DCUN1D2: variants seen among roughly 807,000 people sequenced by gnomAD.
DCUN1D2 encodes the protein DCN1-like protein 2.
DCUN1D2 carries 29 observed loss-of-function variants against 30.9 expected under a neutral mutation model. The ratio of observed to expected loss-of-function variants is 0.94; its 90% CI spans 0.70 to 1.28. The LOEUF (loss-of-function observed/expected upper bound fraction) is 1.28. Among genes scored for constraint, DCUN1D2 ranks in the 50% most tolerant of loss-of-function variants. DCUN1D2 has a pLI of 0.00. For missense variants in DCUN1D2, 325 were observed against 316.9 expected (o/e 1.03, Z -0.19); for synonymous variants, 121 against 115.3 (o/e 1.05, Z -0.32).
intron 1 of DCUN1D2, among the ~76,000 whole-genome samples, chr13:113,489,452 C>G (rs188108451): frequency 2.6e-5 from 4 of 152,322 alleles, no homozygotes; most frequent in Non-Finnish European, 4.4e-5. Context: ...TTCAGCTGCT[C>G]TTTTGTTCAG....
Position 113,490,596 on chromosome 13 carries a change from C to T in DCUN1D2, c.3+71G>A. The stretch of plus-strand genomic sequence containing the variant: ...GCTCGGCCTCCCACATCCAGCGCGC[C>T]GCCTGCGCCGACCTTGGGGCCCGAC... On this transcript the variant is annotated intron_variant, in intron 1 of 6. Transcript: ENST00000478244. The surrounding 1 kb of genome is among the most constrained non-coding windows in gnomAD (Gnocchi z 5.2). 1.7e-6 allele frequency: 2 copies of T among 1,202,166 alleles called. No individual in the cohort carries two copies. The highest frequency in any genetic ancestry group is 3.3e-4 in the Middle Eastern group (1 of 3,034). 74.5% of individuals were successfully genotyped at this position (1,202,166 alleles called of 1,614,324 possible). A position where few individuals can be genotyped will look rare whatever the true frequency, so the allele number is the denominator to read the frequency against.
chr13:113,479,023 C>T (rs1168962511), intron 3 of DCUN1D2: 1 of 152,062 alleles, frequency 6.6e-6, no homozygotes, highest in African/African-American at 2.4e-5. Context: ...ATGGATAAGC[C>T]CAGCTCTGGG....
At chr13:113,472,922 C>T (rs1172478233) in intron 4 of DCUN1D2, among the ~76,000 whole-genome samples, 1 of 152,268 alleles carries the variant, frequency 6.6e-6, no homozygotes, top group South Asian at 2.1e-4. Flanking sequence ...TTCTCTCTCA[C>T]CAGCCCCGTC....
At chr13:113,461,829 G>C (rs1384479043) in intron 4 of DCUN1D2, among the ~76,000 whole-genome samples, 1 of 152,208 alleles carries the variant, frequency 6.6e-6, no homozygotes, top group Non-Finnish European at 1.5e-5. Context: ...TGAATGCCGA[G>C]TTTCAGGGCT....
chr13:113,458,303 GGT>G lies in DCUN1D2; in HGVS notation c.701-197_701-196del, dbSNP rs1276791525. ...CTAGCACGGCCAGGTCGGGAGCCCTGGTGTGTGTGTGCTGGCATGTCTAGGGG... is the reference window on the plus strand; with the variant it reads ...CTAGCACGGCCAGGTCGGGAGCCCTGGTGTGTGTGCTGGCATGTCTAGGGG... On this transcript the variant is annotated intron_variant, in intron 6 of 6. Coordinates refer to ENST00000478244, the MANE Select transcript of DCUN1D2 (RefSeq NM_001014283.2). Among the ~76,000 whole-genome samples, 7 of 152,344 alleles carry G rather than the reference GGT, an allele frequency of 4.6e-5. No homozygotes were observed. The East Asian group carries it at 1.3e-3, about 29-fold the overall frequency.
At chr13:113,480,833 T>A in intron 2 of DCUN1D2, 90 bp from the exon 3 acceptor site, 1 of 1,363,234 alleles carries the variant, frequency 7.3e-7, no homozygotes, top group South Asian at 1.2e-5. Flanking sequence ...TCGATTATAC[T>A]ACATAGTTCT....
intron 2 of DCUN1D2, among the ~76,000 whole-genome samples, chr13:113,481,751 G>GCT (rs982305793): frequency 6.6e-6 from 1 of 151,960 alleles, no homozygotes; most frequent in Admixed American, 6.6e-5. Context: ...GGGCGGGGTG[G>GCT]CTCACGCCTA....
At chr13:113,470,063 G>T (rs573631348) in intron 4 of DCUN1D2, among the ~76,000 whole-genome samples, 1 of 152,278 alleles carries the variant, frequency 6.6e-6, no homozygotes, top group South Asian at 2.1e-4. Flanking sequence ...GCCACACATG[G>T]CATAACATCT....
At chr13:113,485,057 G>A (rs544581186) in intron 1 of DCUN1D2, among the ~76,000 whole-genome samples, 36 of 150,290 alleles carry the variant, frequency 2.4e-4, no homozygotes, top group African/African-American at 7.7e-4. Context: ...CAGCCTGGGC[G>A]ACAGGGCGAG....
chr13:113,465,837 TTGTA>T (rs1050913929), intron 4 of DCUN1D2, among the ~76,000 whole-genome samples: 19 of 151,354 alleles, frequency 1.3e-4, no homozygotes, highest in African/African-American at 4.4e-4. Context: ...CAGATAATTC[TTGTA>T]TGTATGTATG....
At chr13:113,473,565 T>A (rs1161512917) in intron 4 of DCUN1D2, among the ~76,000 whole-genome samples, 1 of 152,206 alleles carries the variant, frequency 6.6e-6, no homozygotes, top group Non-Finnish European at 1.5e-5. Flanking sequence ...CATTTACAAA[T>A]TAGTTTACAT....
At position 113,489,154 on chromosome 13, in the gene DCUN1D2, C is replaced by G. The variant is rs1490937518; in HGVS notation, c.3+1513G>C. On this transcript the variant is annotated intron_variant, in intron 1 of 6. Transcript: ENST00000478244. The stretch of plus-strand genomic sequence containing the variant: ...CGTAAGTTTATGGATCACTTTCACT[C>G]TGTTTCGGTATACAGCACGCTAGAG... 12 of 985,276 alleles carry G rather than the reference C, an allele frequency of 1.2e-5. No individual in the cohort carries two copies. The Admixed American group carries it at 7.4e-4, about 61-fold the overall frequency. The allele number at this position is 985,276 out of a possible 1,614,324, so 61.0% of individuals were successfully genotyped here. A position where few individuals can be genotyped will look rare whatever the true frequency, so the allele number is the denominator to read the frequency against.
chr13:113,481,819 G>A lies in DCUN1D2; in HGVS notation c.221-1076C>T, dbSNP rs372290234. Among the ~76,000 whole-genome samples, 28 of 149,766 alleles carry A rather than the reference G, an allele frequency of 1.9e-4. No individual in the cohort carries two copies. In the East Asian group the frequency reaches 3.7e-3, roughly 20 times the overall value. ...GAATCGCTTGAACCCAGGAGGTGGA[G>A]GTTGCAGTGAGCCAAGATCATGCCA... On this transcript the variant is annotated intron_variant, in intron 2 of 6. Coordinates refer to ENST00000478244, the MANE Select transcript of DCUN1D2 (RefSeq NM_001014283.2).
At chr13:113,462,453 T>G (rs908925066) in intron 4 of DCUN1D2, among the ~76,000 whole-genome samples, 3 of 152,154 alleles carry the variant, frequency 2.0e-5, no homozygotes, top group African/African-American at 7.2e-5. Flanking sequence ...AACTAAACAC[T>G]TCTCAAAAGG....
At chr13:113,462,923 C>A in intron 4 of DCUN1D2, 1 of 1,221,748 alleles carries the variant, frequency 8.2e-7, no homozygotes, top group East Asian at 6.3e-5. Flanking sequence ...AGTTTTATGG[C>A]ACACATTTAA....
At position 113,483,839 on chromosome 13, in the gene DCUN1D2, C is replaced by T. The variant is rs2044753036; in HGVS notation, c.220+1G>A. ...CCGGCTTTGCTGCAGTCTCCTCTTA[C>T]CTTTGTACCTGCCGTACAGCCGCTC... On this transcript the variant is annotated splice_donor_variant, in intron 2 of 6. Transcript: ENST00000478244. LOFTEE classifies it high-confidence loss of function. The T allele has an allele frequency of 1.2e-6, 2 of 1,612,108 alleles. No individual in the cohort carries two copies. Among genetic ancestry groups the T allele is most frequent in the Non-Finnish European group, 8.5e-7 (1 of 1,179,994 alleles).
upstream of DCUN1D2, chr13:113,491,066 G>A (rs1361045771): frequency 6.4e-6 from 1 of 155,240 alleles, no homozygotes. Context: ...GCTGGGCAGG[G>A]CGGCGGCCGC....
At chr13:113,480,268 G>A (rs555618478) in intron 3 of DCUN1D2, among the ~76,000 whole-genome samples, 3 of 151,936 alleles carry the variant, frequency 2.0e-5, no homozygotes, top group East Asian at 1.9e-4. Context: ...GAAATAACAC[G>A]AATGAACTGA....
Position 113,483,883 on chromosome 13 carries a change from A to G in DCUN1D2, c.177T>C (p.Ala59=). The G allele has an allele frequency of 1.2e-6, 2 of 1,613,440 alleles. No homozygotes were observed. The highest frequency in any genetic ancestry group is 1.7e-6 in the Non-Finnish European group (2 of 1,180,050). ...DSLHRESMRN[A]VDKKKLERLY... ...GCCGCTCCAGCTTCTTCTTGTCCACAGCGTTCCGCATGGACTCCCTGTGGA... is the reference window on the plus strand; with the variant it reads ...GCCGCTCCAGCTTCTTCTTGTCCACGGCGTTCCGCATGGACTCCCTGTGGA... Residue 59 remains alanine (A), a synonymous_variant, in exon 2 of 7, where the codon GCT becomes GCC. Coordinates refer to ENST00000478244, the MANE Select transcript of DCUN1D2 (RefSeq NM_001014283.2).
Sources: gnomAD v4.1 joint callset for allele counts (sites outside exome capture counted in the v4.1 genomes callset) on GRCh38, gnomAD v4.1.1 for gene constraint, Gnocchi (gnomAD v3.1) non-coding constraint, MANE v1.5 for transcripts, NCBI Gene and HGNC (gene_info 2026-07-23, HGNC 2026-07-21) for gene names.